ZNF277: variants seen among roughly 807,000 people sequenced by gnomAD.
ZNF277 encodes the protein zinc finger protein 277, also known as nuclear receptor-interacting factor 4.
Under a neutral mutation model 60.7 loss-of-function variants are expected in ZNF277, and 55 were observed. The ratio of observed to expected loss-of-function variants is 0.91; its 90% CI spans 0.73 to 1.13. The LOEUF (loss-of-function observed/expected upper bound fraction) is 1.13. Among genes scored for constraint, ZNF277 ranks in the 50% most tolerant of loss-of-function variants. The probability of loss-of-function intolerance (pLI) is 0.00; values close to 1 mark genes in which losing one functional copy is unlikely to be tolerated. For missense variants in ZNF277, 510 were observed against 523.0 expected, an observed-to-expected ratio of 0.98 and a Z score of 0.24; for synonymous variants, 178 against 179.3, an observed-to-expected ratio of 0.99 and a Z score of 0.06.
intron 1 of ZNF277, among the ~76,000 whole-genome samples, chr7:112,253,902 T>G (rs1053631684): frequency 6.6e-6 from 1 of 152,334 alleles, no homozygotes. Flanking sequence ...TCTTTTATCA[T>G]CATTATTATT....
chr7:112,266,051 T>C (rs931085722), intron 1 of ZNF277, among the ~76,000 whole-genome samples: 1 of 152,176 alleles, frequency 6.6e-6, no homozygotes, highest in Non-Finnish European at 1.5e-5. Context: ...TGCTTTTAAA[T>C]GATAAGGACA....
chr7:112,248,664 CAT>C (rs1451434288), intron 1 of ZNF277, among the ~76,000 whole-genome samples: 1 of 151,714 alleles, frequency 6.6e-6, no homozygotes, highest in Non-Finnish European at 1.5e-5. Context: ...TATGTATAAA[CAT>C]GTATGATGTT....
At chr7:112,244,330 C>T (rs2116999358) in intron 1 of ZNF277, among the ~76,000 whole-genome samples, 1 of 152,182 alleles carries the variant, frequency 6.6e-6, no homozygotes, top group South Asian at 2.1e-4. Context: ...ATAAGATGTA[C>T]TTCCTATGAC....
At chr7:112,231,711 TC>T (rs1369140265) in intron 1 of ZNF277, among the ~76,000 whole-genome samples, 1 of 152,084 alleles carries the variant, frequency 6.6e-6, no homozygotes, top group Admixed American at 6.6e-5. Context: ...GAATGATGTC[TC>T]CCTTTTATTT....
chr7:112,242,557 C>CAAAAA (rs34058145), intron 1 of ZNF277, among the ~76,000 whole-genome samples: 5 of 99,478 alleles, frequency 5.0e-5, no homozygotes, highest in Admixed American at 2.3e-4. Context: ...TAATAGCTAC[C>CAAAAA]AAAAAAAAAA....
At chr7:112,264,852 C>T (rs1425079713) in intron 1 of ZNF277, among the ~76,000 whole-genome samples, 1 of 152,038 alleles carries the variant, frequency 6.6e-6, no homozygotes, top group Non-Finnish European at 1.5e-5. Context: ...TTAAAAGATA[C>T]TTAATTGGTA....
At chr7:112,310,490 T>TAAA (rs1563224381) in intron 4 of ZNF277, among the ~76,000 whole-genome samples, 17 of 100,564 alleles carry the variant, frequency 1.7e-4, no homozygotes, top group African/African-American at 9.0e-4. Flanking sequence ...TGTGTGTGTG[T>TAAA]GTATGTATTT....
intron 4 of ZNF277, among the ~76,000 whole-genome samples, chr7:112,317,787 A>G (rs1280799753): frequency 6.6e-6 from 1 of 152,134 alleles, no homozygotes; most frequent in East Asian, 1.9e-4. Flanking sequence ...GAGAAAAGTT[A>G]TATGGAAGAT....
Position 112,318,220 on chromosome 7 carries a change from T to C in ZNF277, c.504T>C (p.Asp168=). The C allele has an allele frequency of 6.2e-7, 1 of 1,613,542 alleles. No individual in the cohort carries two copies. The highest frequency in any genetic ancestry group is 8.5e-7 in the Non-Finnish European group (1 of 1,179,552). Residue 168 remains aspartate (D), a synonymous_variant, in exon 5 of 12, where the codon GAT becomes GAC. Coordinates refer to ENST00000361822, the MANE Select transcript of ZNF277 (RefSeq NM_021994.3). The part of the protein sequence containing the change: ...ILEQQQQERN[D]TNFHGVCMFC... ...AACAACAGCAGCAAGAACGAAATGATACCAATTTTCATGGCGTTTGTATGT... is the reference window on the plus strand; with the variant it reads ...AACAACAGCAGCAAGAACGAAATGACACCAATTTTCATGGCGTTTGTATGT...
chr7:112,214,215 C>T (rs1206869277), intron 1 of ZNF277, among the ~76,000 whole-genome samples: 7 of 152,208 alleles, frequency 4.6e-5, no homozygotes, highest in African/African-American at 1.7e-4. Context: ...GGATGTCGAT[C>T]AGATTCATAT....
At position 112,286,841 on chromosome 7, in the gene ZNF277, C is replaced by CTTTTTTTTTTTTTTT. The variant is rs10710470; in HGVS notation, c.92-27_92-13dup. Reference sequence around the variant, plus strand: ...AGTTGGTTTCAGCTTTTCTTTCTTTCTTTTTTTTTTTTTTTTTTTGGTCTA... The same window carrying CTTTTTTTTTTTTTTT: ...AGTTGGTTTCAGCTTTTCTTTCTTTCTTTTTTTTTTTTTTTTTTTTTTTTTTTTTTTTTTGGTCTA... On this transcript the variant is annotated intron_variant, in intron 1 of 11. Coordinates refer to ENST00000361822, the MANE Select transcript of ZNF277 (RefSeq NM_021994.3). 2.0e-4 allele frequency: 188 copies of CTTTTTTTTTTTTTTT among 952,394 alleles called. 8 individuals are homozygous for CTTTTTTTTTTTTTTT. The African/African-American group carries it at 2.2e-3, about 11-fold the overall frequency. 59.0% of individuals were successfully genotyped at this position (952,394 alleles called of 1,614,324 possible). A position where few individuals can be genotyped will look rare whatever the true frequency, so the allele number is the denominator to read the frequency against.
intron 3 of ZNF277, 63 bp from the exon 4 acceptor site, chr7:112,296,166 G>C: frequency 1.7e-6 from 2 of 1,196,002 alleles, no homozygotes; most frequent in Middle Eastern, 1.9e-4. Context: ...TAAGAAATAA[G>C]TCCTTCTGGG....
Position 112,287,084 on chromosome 7 carries a change from G to A in ZNF277, c.293+10G>A. On this transcript the variant is annotated intron_variant, in intron 2 of 11. Transcript: ENST00000361822. ...TTGCTGATTTCCAAAGGTAAGTTCTGTTTTTGTCCTTAAAAGAATTAAATT... is the reference window on the plus strand; with the variant it reads ...TTGCTGATTTCCAAAGGTAAGTTCTATTTTTGTCCTTAAAAGAATTAAATT... 1.2e-6 allele frequency: 2 copies of A among 1,613,138 alleles called. No individual in the cohort carries two copies. Among genetic ancestry groups the A allele is most frequent in the Non-Finnish European group, 1.7e-6 (2 of 1,179,250 alleles).
intron 4 of ZNF277, among the ~76,000 whole-genome samples, chr7:112,303,790 C>T (rs1289156350): frequency 6.6e-6 from 1 of 151,786 alleles, no homozygotes. Flanking sequence ...TTTTTATCTC[C>T]TAGTTTATTT....
chr7:112,328,485 A>T (rs1793149668), intron 6 of ZNF277: 1 of 152,010 alleles, frequency 6.6e-6, no homozygotes, highest in East Asian at 1.9e-4. Context: ...AGGGCCCAAA[A>T]TTTTTTCTCT....
chr7:112,311,582 C>T (rs185663388), intron 4 of ZNF277, among the ~76,000 whole-genome samples: 10 of 151,944 alleles, frequency 6.6e-5, no homozygotes, highest in East Asian at 1.9e-4. Context: ...GGCACATCTT[C>T]GATTTGCACA....
At chr7:112,241,353 A>C (rs1222619653) in intron 1 of ZNF277, among the ~76,000 whole-genome samples, 1 of 152,160 alleles carries the variant, frequency 6.6e-6, no homozygotes, top group African/African-American at 2.4e-5. Context: ...GCAAAAGACA[A>C]GCAATAACAA....
At chr7:112,339,753 A>T in intron 9 of ZNF277, 90 bp from the exon 10 acceptor site, 1 of 1,305,570 alleles carries the variant, frequency 7.7e-7, no homozygotes, top group Non-Finnish European at 1.1e-6. Context: ...TTTCTAAACT[A>T]CTCAAACTCC....
At chr7:112,263,747 T>A (rs1791486614) in intron 1 of ZNF277, among the ~76,000 whole-genome samples, 1 of 152,238 alleles carries the variant, frequency 6.6e-6, no homozygotes, top group Non-Finnish European at 1.5e-5. Context: ...TTGCTTTCCA[T>A]GCCAGTGGGC....
Sources: gnomAD v4.1 joint callset for allele counts (sites outside exome capture counted in the v4.1 genomes callset) on GRCh38, gnomAD v4.1.1 for gene constraint, MANE v1.5 for transcripts, NCBI Gene and HGNC (gene_info 2026-07-23, HGNC 2026-07-21) for gene names.